VPS54: variants seen among roughly 807,000 people sequenced by gnomAD.
VPS54 encodes the protein VPS54 subunit of GARP complex.
Under a neutral mutation model 121.5 loss-of-function variants are expected in VPS54, and 45 were observed. The ratio of observed to expected loss-of-function variants is 0.37; its 90% CI spans 0.29 to 0.47. VPS54 has a LOEUF of 0.47. VPS54 is among the 20% of genes least tolerant of loss of function. The probability of loss-of-function intolerance (pLI) is 0.99; values close to 1 mark genes in which losing one functional copy is unlikely to be tolerated. For missense variants in VPS54, 1,090 were observed against 1,131.4 expected (o/e 0.96, Z 0.52); for synonymous variants, 371 against 385.8 (o/e 0.96, Z 0.45).
Position 63,981,817 on chromosome 2 carries a change from G to C in VPS54, c.207C>G (p.Ser69=), listed in dbSNP as rs778987883. 1.2e-6 allele frequency: 2 copies of C among 1,613,644 alleles called. No homozygotes were observed. The highest frequency in any genetic ancestry group is 3.3e-5 in the Admixed American group (2 of 59,998). The part of the protein sequence containing the change: ...TDQHRWTVYH[S]KVNLPAALND... ...TTAATGCTGCTGGGAGATTTACTTTGGAATGATATACAGTCCATCTATGTT... is the reference window on the plus strand; with the variant it reads ...TTAATGCTGCTGGGAGATTTACTTTCGAATGATATACAGTCCATCTATGTT... Residue 69 remains serine, a synonymous_variant, in exon 3 of 23, where the codon TCC becomes TCG. Coordinates refer to ENST00000272322, the MANE Select transcript of VPS54 (RefSeq NM_016516.3).
intron 11 of VPS54, among the ~76,000 whole-genome samples, chr2:63,942,191 C>CA (rs1021505634): frequency 1.3e-5 from 2 of 151,452 alleles, no homozygotes; most frequent in Admixed American, 6.6e-5. Context: ...CCTAGGAGAA[C>CA]AAAAAATCAC....
chr2:63,949,168 AAAGG>A lies in VPS54; in HGVS notation c.1011-9_1011-6del. 1.9e-6 allele frequency: 3 copies of A among 1,602,486 alleles called. No homozygotes were observed. Among genetic ancestry groups the A allele is most frequent in the Non-Finnish European group, 2.5e-6 (3 of 1,177,588 alleles). On this transcript the variant is annotated splice_region_variant and splice_polypyrimidine_tract_variant and intron_variant, in intron 7 of 22. Transcript: ENST00000272322. ...CAAAGCTGTGATCCCAAATGCCTAA[AAAGG>A]AAGAGAAAAATGTTATATTTATATT...
intron 7 of VPS54, among the ~76,000 whole-genome samples, chr2:63,950,761 G>A (rs1291724203): frequency 6.6e-6 from 1 of 152,034 alleles, no homozygotes; most frequent in African/African-American, 2.4e-5. Context: ...TCTCTTCCTT[G>A]CTAATAAATG....
In VPS54 at chr2:63,897,629, T is replaced by C; in HGVS notation, c.2734-39A>G. 3 of 1,231,776 alleles carry C rather than the reference T, an allele frequency of 2.4e-6. No individual in the cohort carries two copies. In the East Asian group the frequency reaches 7.2e-5, roughly 30 times the overall value. 76.3% of individuals were successfully genotyped at this position (1,231,776 alleles called of 1,614,324 possible). A position where few individuals can be genotyped will look rare whatever the true frequency, so the allele number is the denominator to read the frequency against. ...AAAACTAAGTTTCTTAAAGTTCTAC[T>C]GAAATAGAAGATATCTGAGTTATCA... On this transcript the variant is annotated intron_variant, in intron 21 of 22. Coordinates refer to ENST00000272322, the MANE Select transcript of VPS54 (RefSeq NM_016516.3).
At chr2:63,910,191 A>C (rs1214250294) in intron 20 of VPS54, among the ~76,000 whole-genome samples, 1 of 152,214 alleles carries the variant, frequency 6.6e-6, no homozygotes, top group African/African-American at 2.4e-5. Context: ...ACTCCTGAGC[A>C]ACACATGAAA....
chr2:63,924,851 T>C (rs1466587697), intron 12 of VPS54, among the ~76,000 whole-genome samples: 1 of 151,982 alleles, frequency 6.6e-6, no homozygotes, highest in Non-Finnish European at 1.5e-5. Flanking sequence ...TGGTGCAAGG[T>C]CAAAAACATA....
intron 12 of VPS54, among the ~76,000 whole-genome samples, chr2:63,926,599 C>T (rs1673915064): frequency 6.6e-6 from 1 of 152,148 alleles, no homozygotes; most frequent in African/African-American, 2.4e-5. Context: ...TCTGCATTTC[C>T]AACTGAGGTA....
At chr2:63,944,058 CAA>C (rs1288335569) in intron 10 of VPS54, among the ~76,000 whole-genome samples, 1 of 145,052 alleles carries the variant, frequency 6.9e-6, no homozygotes, top group African/African-American at 2.5e-5. Context: ...AGGGTGAAAA[CAA>C]AAAAAAAATA....
intron 10 of VPS54, 49 bp downstream of exon 10, chr2:63,944,551 A>G (rs1674888787): frequency 1.3e-6 from 2 of 1,492,550 alleles, no homozygotes; most frequent in South Asian, 1.2e-5. Context: ...ATTTACATCT[A>G]TCATCTTTTC....
At chr2:64,005,372 G>A (rs139528902) in intron 1 of VPS54, among the ~76,000 whole-genome samples, 3,622 of 151,962 alleles carry the variant, frequency 0.024, 145 homozygotes, top group African/African-American at 0.083. Context: ...CAAAGTGCTG[G>A]GATTACAGGC....
chr2:63,908,565 A>T (rs562466196), intron 20 of VPS54, among the ~76,000 whole-genome samples: 1 of 152,302 alleles, frequency 6.6e-6, no homozygotes, highest in Non-Finnish European at 1.5e-5. Context: ...AATAAACCTG[A>T]TATGAATTGC....
chr2:63,957,148 A>T (rs1675530598), intron 7 of VPS54, among the ~76,000 whole-genome samples: 1 of 152,062 alleles, frequency 6.6e-6, no homozygotes, highest in Non-Finnish European at 1.5e-5. Flanking sequence ...ATGGTTAAAA[A>T]TATTTATATC....
intron 1 of VPS54, among the ~76,000 whole-genome samples, chr2:64,000,499 T>A (rs1000738436): frequency 4.6e-5 from 7 of 152,256 alleles, no homozygotes; most frequent in Admixed American, 6.5e-5. Flanking sequence ...TAGTCTTCAC[T>A]GTCTGGACTT....
intron 1 of VPS54, among the ~76,000 whole-genome samples, chr2:63,993,859 T>C (rs917098320): frequency 4.6e-5 from 7 of 152,230 alleles, no homozygotes; most frequent in African/African-American, 9.6e-5. Context: ...ATGTAGGTCC[T>C]ACAAACAAGC....
chr2:63,975,770 C>G (rs1421167587), intron 3 of VPS54, among the ~76,000 whole-genome samples: 2 of 152,246 alleles, frequency 1.3e-5, no homozygotes, highest in East Asian at 1.9e-4. Flanking sequence ...GTCTCCCACA[C>G]AGCCAGCTCT....
At chr2:63,985,145 C>T (rs1676983443) in intron 1 of VPS54, among the ~76,000 whole-genome samples, 1 of 152,032 alleles carries the variant, frequency 6.6e-6, no homozygotes. Flanking sequence ...CATGATGAAA[C>T]CTCGTATCTA....
chr2:63,920,568 T>C lies in VPS54; in HGVS notation c.1929A>G (p.Glu643=), dbSNP rs778341965. ...TCTGTTCGGTGTCTAAAATGAATGT[T>C]TCCATTAATCTAGAAAGTGTTATGA... is the stretch of plus-strand genomic sequence containing the variant. ...MEFITLSRLM[E]TFILDTEQIC... Residue 643 remains glutamate (E), a synonymous_variant, in exon 14 of 23, where the codon GAA becomes GAG. Coordinates refer to ENST00000272322, the MANE Select transcript of VPS54 (RefSeq NM_016516.3). The C allele has an allele frequency of 6.3e-7, 1 of 1,575,068 alleles. No individual in the cohort carries two copies. The highest frequency in any genetic ancestry group is 1.2e-5 in the South Asian group (1 of 85,614).
chr2:63,909,533 G>A (rs530458290), intron 20 of VPS54, among the ~76,000 whole-genome samples: 5 of 140,144 alleles, frequency 3.6e-5, no homozygotes, highest in Admixed American at 2.4e-4. Flanking sequence ...GCAATTCTCT[G>A]CCATAGCCTC....
At chr2:63,962,788 G>C (rs962540025) in intron 6 of VPS54, among the ~76,000 whole-genome samples, 5 of 152,104 alleles carry the variant, frequency 3.3e-5, no homozygotes, top group Non-Finnish European at 7.4e-5. Context: ...GAGAGAAAGA[G>C]AATGATCTCC....
Sources: allele counts gnomAD v4.1 joint callset (sites outside exome capture counted in the v4.1 genomes callset), GRCh38; gene constraint gnomAD v4.1.1; transcripts MANE v1.5; gene names NCBI Gene and HGNC (gene_info 2026-07-23, HGNC 2026-07-21).